PTPRK: variants seen among roughly 807,000 people sequenced by gnomAD.
PTPRK encodes the protein protein tyrosine phosphatase receptor type K, also known as receptor-type tyrosine-protein phosphatase kappa.
In PTPRK, 75 loss-of-function variants were observed where a neutral mutation model predicts 178.0. The ratio of observed to expected loss-of-function variants is 0.42; its 90% CI spans 0.35 to 0.51. PTPRK has a LOEUF of 0.51. PTPRK is among the 20% of genes least tolerant of loss of function. The probability of loss-of-function intolerance (pLI) is 0.02; values close to 1 mark genes in which losing one functional copy is unlikely to be tolerated. For missense variants in PTPRK, 1,441 were observed against 1,797.8 expected (o/e 0.80, Z 3.59); for synonymous variants, 637 against 620.6 (o/e 1.03, Z -0.39).
intron 6 of PTPRK, among the ~76,000 whole-genome samples, chr6:128,196,702 T>TTC (rs1437413265): frequency 1.3e-5 from 2 of 152,164 alleles, no homozygotes; most frequent in African/African-American, 4.8e-5. Flanking sequence ...AGGAGTTGGG[T>TTC]TCTTCTTTCA....
chr6:128,122,536 T>G (rs2114405253), intron 7 of PTPRK, among the ~76,000 whole-genome samples: 1 of 152,306 alleles, frequency 6.6e-6, no homozygotes, highest in South Asian at 2.1e-4. Flanking sequence ...AACCTTAAAG[T>G]AGAATCCTCA....
intron 1 of PTPRK, among the ~76,000 whole-genome samples, chr6:128,480,553 G>A (rs1437079903): frequency 6.6e-6 from 1 of 152,014 alleles, no homozygotes; most frequent in Non-Finnish European, 1.5e-5. Context: ...ATATGAATTA[G>A]TTAGTCCCTA....
chr6:128,237,506 A>T (rs1023922439), intron 5 of PTPRK, among the ~76,000 whole-genome samples: 5 of 152,246 alleles, frequency 3.3e-5, no homozygotes, highest in Non-Finnish European at 5.9e-5. Context: ...CAAAAAGGTT[A>T]TCAAGGCCAT....
intron 2 of PTPRK, among the ~76,000 whole-genome samples, chr6:128,327,978 C>G (rs17055714): frequency 0.036 from 5,450 of 152,204 alleles, 339 homozygotes; most frequent in African/African-American, 0.12. Flanking sequence ...ATTCTCCCTG[C>G]AGCAGAGTGG....
intron 8 of PTPRK, among the ~76,000 whole-genome samples, chr6:128,089,165 C>T (rs1786480600): frequency 6.6e-6 from 1 of 152,140 alleles, no homozygotes; most frequent in Admixed American, 6.5e-5. Context: ...GGTTTCATCA[C>T]GTTGGCCAGG....
intron 1 of PTPRK, among the ~76,000 whole-genome samples, chr6:128,508,618 G>A (rs1856711714): frequency 6.6e-6 from 1 of 152,052 alleles, no homozygotes; most frequent in Non-Finnish European, 1.5e-5. Context: ...GGTTTCAGTT[G>A]CCCTTGGCCA....
chr6:128,510,846 C>T (rs1857069850), intron 1 of PTPRK, among the ~76,000 whole-genome samples: 1 of 151,634 alleles, frequency 6.6e-6, no homozygotes, highest in Non-Finnish European at 1.5e-5. Flanking sequence ...ATATAGATTA[C>T]TGTTAAGGAA....
intron 2 of PTPRK, among the ~76,000 whole-genome samples, chr6:128,343,357 G>A (rs1021868692): frequency 6.6e-6 from 1 of 151,834 alleles, no homozygotes; most frequent in African/African-American, 2.4e-5. Flanking sequence ...AAAATTAGCT[G>A]GGCGTGGCAG....
chr6:128,227,269 C>T (rs1210159866), intron 5 of PTPRK, among the ~76,000 whole-genome samples: 2 of 152,072 alleles, frequency 1.3e-5, no homozygotes, highest in Admixed American at 6.6e-5. Context: ...TAAAACCATG[C>T]AATTTATAGA....
At chr6:128,424,394 GA>G (rs1327736713) in intron 1 of PTPRK, among the ~76,000 whole-genome samples, 1 of 152,210 alleles carries the variant, frequency 6.6e-6, no homozygotes, top group Non-Finnish European at 1.5e-5. Context: ...GATGAAGGCT[GA>G]AGCCCACATC....
At chr6:128,198,942 A>G (rs1476273840) in intron 6 of PTPRK, among the ~76,000 whole-genome samples, 3 of 152,212 alleles carry the variant, frequency 2.0e-5, no homozygotes, top group East Asian at 3.8e-4. Context: ...AAGTATTAAC[A>G]TAAGAAGATA....
chr6:128,495,979 G>T (rs1253811190), intron 1 of PTPRK, among the ~76,000 whole-genome samples: 1 of 152,126 alleles, frequency 6.6e-6, no homozygotes, highest in Non-Finnish European at 1.5e-5. Context: ...AAATTCCTGT[G>T]CACTCCTTGG....
intron 13 of PTPRK, among the ~76,000 whole-genome samples, chr6:128,012,165 T>C (rs908342150): frequency 2.6e-5 from 4 of 151,384 alleles, no homozygotes; most frequent in Non-Finnish European, 5.9e-5. Flanking sequence ...TCTTTAGCTG[T>C]GGCATTTATT....
At chr6:128,146,945 T>C (rs141682244) in intron 7 of PTPRK, among the ~76,000 whole-genome samples, 120 of 152,252 alleles carry the variant, frequency 7.9e-4, no homozygotes, top group Non-Finnish European at 1.5e-3. Context: ...CTTAGAAACA[T>C]GTTTTAATAT....
chr6:128,259,854 G>A (rs1817913172), intron 3 of PTPRK, among the ~76,000 whole-genome samples: 1 of 152,096 alleles, frequency 6.6e-6, no homozygotes, highest in South Asian at 2.1e-4. Context: ...AAAAAAATGT[G>A]ACTTCCTTCT....
chr6:128,242,081 G>A (rs185084777), intron 4 of PTPRK, among the ~76,000 whole-genome samples: 145 of 151,806 alleles, frequency 9.6e-4, no homozygotes, highest in African/African-American at 3.4e-3. Flanking sequence ...CCTAAATTTG[G>A]AATAAGGTGA....
intron 1 of PTPRK, among the ~76,000 whole-genome samples, chr6:128,433,906 A>G (rs1387329846): frequency 6.6e-6 from 1 of 151,724 alleles, no homozygotes; most frequent in African/African-American, 2.4e-5. Flanking sequence ...CAGCAGAGAA[A>G]GTCATAAGTA....
At chr6:128,453,439 T>C (rs555156799) in intron 1 of PTPRK, among the ~76,000 whole-genome samples, 1 of 152,282 alleles carries the variant, frequency 6.6e-6, no homozygotes, top group African/African-American at 2.4e-5. Context: ...TGAGGTGTTA[T>C]GAGGGTAAAT....
chr6:128,390,833 T>C (rs374154263), intron 2 of PTPRK, among the ~76,000 whole-genome samples: 1 of 152,176 alleles, frequency 6.6e-6, no homozygotes, highest in East Asian at 1.9e-4. Flanking sequence ...GTCCCTGGTA[T>C]AGTAAAACTC....
Sources: allele counts gnomAD v4.1 joint callset (sites outside exome capture counted in the v4.1 genomes callset), GRCh38; gene constraint gnomAD v4.1.1; transcripts MANE v1.5; gene names NCBI Gene and HGNC (gene_info 2026-07-23, HGNC 2026-07-21).